Variants in ATF7IP observed in about 807,000 individuals in gnomAD.
ATF7IP encodes activating transcription factor 7-interacting protein 1.
ATF7IP carries 23 observed loss-of-function variants against 106.4 expected under a neutral mutation model. That is an observed-to-expected ratio of 0.22 (90% confidence interval 0.16 to 0.31). The LOEUF (loss-of-function observed/expected upper bound fraction) is 0.31, where lower values mean the gene tolerates loss of function less well. Among genes scored for constraint, ATF7IP ranks in the 10% least tolerant of loss-of-function variants. The pLI is 1.00. For missense variants in ATF7IP, 1,334 were observed against 1,524.3 expected, an observed-to-expected ratio of 0.88 and a Z score of 2.08; for synonymous variants, 542 against 539.0, an observed-to-expected ratio of 1.01 and a Z score of -0.08.
intron 5 of ATF7IP, among the ~76,000 whole-genome samples, chr12:14,439,904 C>T (rs1942615581): frequency 6.6e-6 from 1 of 151,794 alleles, no homozygotes; most frequent in South Asian, 2.1e-4. Flanking sequence ...CAGTTTTCGA[C>T]ACCTATCATC....
At chr12:14,390,566 A>C (rs1939487945) in intron 1 of ATF7IP, among the ~76,000 whole-genome samples, 3 of 152,256 alleles carry the variant, frequency 2.0e-5, no homozygotes, top group Non-Finnish European at 4.4e-5. Flanking sequence ...AAGTGTATTC[A>C]AGCTATGCAG....
At position 14,379,180 on chromosome 12, in the gene ATF7IP, TAGTG is replaced by T. The variant is rs532865141; in HGVS notation, c.-8+13361_-8+13364del. 1.3e-3 allele frequency among the ~76,000 whole-genome samples: 194 copies of T among 152,284 alleles called. 1 individual carries two copies. The highest frequency in any genetic ancestry group is 3.8e-3 in the African/African-American group (159 of 41,570). On this transcript the variant is annotated intron_variant, in intron 1 of 14. Transcript: ENST00000261168. ...TCCCCCTTGGTACTGTCCTCCACAATAGTGAGTGAGTTCTTGTGAGATCTGGTCA... is the reference window on the plus strand; with the variant it reads ...TCCCCCTTGGTACTGTCCTCCACAATAGTGAGTTCTTGTGAGATCTGGTCA...
At chr12:14,491,393 C>G (rs993548716) in intron 13 of ATF7IP, among the ~76,000 whole-genome samples, 7 of 152,228 alleles carry the variant, frequency 4.6e-5, no homozygotes, top group African/African-American at 1.7e-4. Flanking sequence ...GGCCCCACAT[C>G]ACTGGACCCC....
intron 1 of ATF7IP, among the ~76,000 whole-genome samples, chr12:14,410,635 A>G (rs1469299027): frequency 1.3e-5 from 2 of 152,210 alleles, no homozygotes; most frequent in Admixed American, 6.5e-5. Context: ...TCTAAGATCT[A>G]TAGTAAGAAC....
At position 14,376,642 on chromosome 12, in the gene ATF7IP, G is replaced by T. The variant is rs186552931; in HGVS notation, c.-8+10815G>T. ...GCTTTCATCTGCAGTACCTATAATT[G>T]TAGGGTATCTTGGGGTTCTCTGAGA... On this transcript the variant is annotated intron_variant, in intron 1 of 14. Transcript: ENST00000261168. 4.4e-3 allele frequency among the ~76,000 whole-genome samples: 669 copies of T among 152,272 alleles called. 5 individuals are homozygous for T. The highest frequency in any genetic ancestry group is 7.2e-3 in the Non-Finnish European group (491 of 68,026).
chr12:14,448,076 A>C (rs1421898796), intron 6 of ATF7IP, among the ~76,000 whole-genome samples: 1 of 150,646 alleles, frequency 6.6e-6, no homozygotes, highest in Non-Finnish European at 1.5e-5. Flanking sequence ...TTTGTTTTTA[A>C]TTTTTTTATT....
At chr12:14,469,069 G>T (rs1205895200) in intron 10 of ATF7IP, among the ~76,000 whole-genome samples, 3 of 152,072 alleles carry the variant, frequency 2.0e-5, no homozygotes, top group Non-Finnish European at 4.4e-5. Flanking sequence ...ATTTAGATCA[G>T]AAGAAATCTG....
At position 14,495,846 on chromosome 12, in the gene ATF7IP, C is replaced by T. The variant is rs75395457; in HGVS notation, c.3281-385C>T. Among the ~76,000 whole-genome samples, 570 of 152,288 alleles carry T rather than the reference C, an allele frequency of 3.7e-3. 2 individuals carry two copies. Among genetic ancestry groups the T allele is most frequent in the Non-Finnish European group, 6.0e-3 (407 of 68,026 alleles). On this transcript the variant is annotated intron_variant, in intron 13 of 14. Transcript: ENST00000261168. ...GGCCATTTACCTTTTACATGTGGTACACAACCAGTGTTCTAGGATTTTTGT... is the reference window on the plus strand; with the variant it reads ...GGCCATTTACCTTTTACATGTGGTATACAACCAGTGTTCTAGGATTTTTGT...
chr12:14,382,645 G>T (rs1195648112), intron 1 of ATF7IP, among the ~76,000 whole-genome samples: 2 of 152,132 alleles, frequency 1.3e-5, no homozygotes. Flanking sequence ...AAAAATGAAG[G>T]TTCTTTTGAG....
chr12:14,388,311 A>G (rs1591772589), intron 1 of ATF7IP, among the ~76,000 whole-genome samples: 3 of 151,302 alleles, frequency 2.0e-5, no homozygotes, highest in Admixed American at 6.6e-5. Flanking sequence ...TGGCCTCCCA[A>G]ATTGCTGGGA....
chr12:14,440,133 C>G (rs1942625213), intron 5 of ATF7IP, among the ~76,000 whole-genome samples: 3 of 152,178 alleles, frequency 2.0e-5, no homozygotes, highest in African/African-American at 7.2e-5. Flanking sequence ...ACCGATCCCT[C>G]TCAATCATTT....
At chr12:14,418,393 C>CT (rs1941313327) in intron 1 of ATF7IP, among the ~76,000 whole-genome samples, 1 of 152,114 alleles carries the variant, frequency 6.6e-6, no homozygotes, top group Non-Finnish European at 1.5e-5. Context: ...AATACCAATG[C>CT]TTTTTTCTGT....
chr12:14,483,484 T>A (rs954892321), intron 13 of ATF7IP, among the ~76,000 whole-genome samples: 2 of 152,168 alleles, frequency 1.3e-5, no homozygotes, highest in Admixed American at 1.3e-4. Context: ...AGTTCCAGTT[T>A]AATGGAATCA....
At chr12:14,419,858 TATATA>T (rs1192842400) in intron 1 of ATF7IP, 4 of 152,194 alleles carry the variant, frequency 2.6e-5, no homozygotes, top group Non-Finnish European at 5.9e-5. Flanking sequence ...TTGATTTAGT[TATATA>T]ATTTAAATAA....
intron 13 of ATF7IP, among the ~76,000 whole-genome samples, chr12:14,494,261 C>T (rs529934464): frequency 4.7e-5 from 6 of 127,756 alleles, no homozygotes; most frequent in African/African-American, 1.7e-4. Context: ...AATTAGGGTT[C>T]TCTAGGGGGA....
intron 1 of ATF7IP, chr12:14,385,522 T>C (rs758099934): frequency 1.2e-6 from 1 of 822,786 alleles, no homozygotes; most frequent in Non-Finnish European, 1.9e-6. Flanking sequence ...TTGAAATGTT[T>C]GGTAGAACCT....
In ATF7IP at chr12:14,460,881, T is replaced by C. The variant is rs767413966; in HGVS notation, c.2545T>C (p.Ser849Pro). Residue 849 changes from serine to proline, a missense_variant, in exon 9 of 15, where the codon TCT (serine) becomes CCT (proline). This residue lies in a region of ATF7IP where 370 missense variants were observed against 401.2 expected (regional missense o/e 0.92). Transcript: ENST00000261168. ...TCCCACTAAACCAAACAACGTTCCTTCTGTGCCCAGTCCTAGTATTCAAAG... is the reference window on the plus strand; with the variant it reads ...TCCCACTAAACCAAACAACGTTCCTCCTGTGCCCAGTCCTAGTATTCAAAG... Reference protein sequence around the residue: ...PNPTKPNNVPSVPSPSIQRNP... With the variant: ...PNPTKPNNVPPVPSPSIQRNP... 182 of 1,614,072 alleles carry C rather than the reference T, an allele frequency of 1.1e-4. No homozygotes were observed. Among genetic ancestry groups the C allele is most frequent in the Non-Finnish European group, 1.4e-4 (169 of 1,180,040 alleles).
chr12:14,415,225 T>A (rs751817940), intron 1 of ATF7IP, among the ~76,000 whole-genome samples: 2 of 152,256 alleles, frequency 1.3e-5, no homozygotes, highest in African/African-American at 4.8e-5. Flanking sequence ...ATTTGCTCTA[T>A]GTATTCTAAA....
chr12:14,474,362 T>G (rs1944174192), intron 10 of ATF7IP, among the ~76,000 whole-genome samples: 1 of 151,738 alleles, frequency 6.6e-6, no homozygotes, highest in Admixed American at 6.6e-5. Flanking sequence ...TTTTGAAATT[T>G]CCTGTTTGTG....
Sources: gnomAD v4.1 joint callset for allele counts (sites outside exome capture counted in the v4.1 genomes callset) on GRCh38, gnomAD v4.1.1 for gene constraint, gnomAD v4.1.1 regional missense constraint, MANE v1.5 for transcripts, NCBI Gene and HGNC (gene_info 2026-07-23, HGNC 2026-07-21) for gene names.